Variants in STAC observed in about 807,000 individuals in gnomAD.
STAC encodes the protein SH3 and cysteine-rich domain-containing protein.
Under a neutral mutation model 48.8 loss-of-function variants are expected in STAC, and 43 were observed. The ratio of observed to expected loss-of-function variants is 0.88; its 90% confidence interval spans 0.69 to 1.14. The LOEUF (loss-of-function observed/expected upper bound fraction) is 1.14, where lower values mean the gene tolerates loss of function less well. Ranked by LOEUF, STAC falls within the 50% of genes most tolerant of loss-of-function variation. The pLI is 0.00. For missense variants in STAC, 497 were observed against 504.0 expected, an observed-to-expected ratio of 0.99 and a Z score of 0.13; for synonymous variants, 193 against 179.5, an observed-to-expected ratio of 1.07 and a Z score of -0.60.
Position 36,546,450 on chromosome 3 carries a change from A to G in STAC, c.*161A>G, listed in dbSNP as rs373679227. The G allele has an allele frequency of 5.3e-4, 335 of 634,126 alleles. 1 individual carries two copies. The African/African-American group carries it at 5.4e-3, about 10-fold the overall frequency. 39.3% of individuals were successfully genotyped at this position (634,126 alleles called of 1,614,324 possible). On this transcript the variant is annotated 3_prime_UTR_variant, in exon 11 of 11. Coordinates refer to ENST00000273183, the MANE Select transcript of STAC (RefSeq NM_003149.3). ...TGAGACTGTGGAGTAATAGCCACAA[A>G]ACAGAGGGCCCACTGCACAGCATAT...
intron 2 of STAC, among the ~76,000 whole-genome samples, chr3:36,477,565 C>A (rs531663594): frequency 6.6e-6 from 1 of 152,068 alleles, no homozygotes; most frequent in Non-Finnish European, 1.5e-5. Context: ...TTTCTTCCAA[C>A]ATTTATGTAC....
chr3:36,543,629 T>C (rs896498909), intron 10 of STAC, among the ~76,000 whole-genome samples: 3 of 152,236 alleles, frequency 2.0e-5, no homozygotes, highest in Admixed American at 1.3e-4. Flanking sequence ...GTCTATCTTA[T>C]ATATAGGCAC....
At chr3:36,428,486 T>C (rs1700617798) in intron 1 of STAC, among the ~76,000 whole-genome samples, 1 of 152,204 alleles carries the variant, frequency 6.6e-6, no homozygotes, top group African/African-American at 2.4e-5. Context: ...TTATTGCCAA[T>C]TTTCAATATG....
chr3:36,414,726 T>C (rs1429901170), intron 1 of STAC, among the ~76,000 whole-genome samples: 3 of 152,216 alleles, frequency 2.0e-5, no homozygotes, highest in Admixed American at 6.5e-5. Context: ...CTGCGTTCCT[T>C]TGGAGGAGGA....
chr3:36,410,960 T>C (rs1700181615), intron 1 of STAC, among the ~76,000 whole-genome samples: 2 of 152,342 alleles, frequency 1.3e-5, no homozygotes, highest in South Asian at 4.1e-4. Flanking sequence ...TGTCTAATAG[T>C]CAACACAAAG....
Position 36,415,101 on chromosome 3 carries a change from G to A in STAC, c.112-28263G>A, listed in dbSNP as rs114664334. On this transcript the variant is annotated intron_variant, in intron 1 of 10. Coordinates refer to ENST00000273183, the MANE Select transcript of STAC (RefSeq NM_003149.3). ...CCTACTGGGGAGTGCCTCCCAGATA[G>A]GCTACTCGGTGATCAGGGACCCACT... Among the ~76,000 whole-genome samples the A allele has an allele frequency of 4.0e-3, 602 of 152,292 alleles. 4 individuals carry two copies. Among genetic ancestry groups the A allele is most frequent in the African/African-American group, 0.013 (555 of 41,562 alleles).
chr3:36,526,010 A>G (rs930707433), intron 8 of STAC, among the ~76,000 whole-genome samples: 2 of 152,234 alleles, frequency 1.3e-5, no homozygotes, highest in East Asian at 1.9e-4. Flanking sequence ...CATCTATAAC[A>G]GTACTAGAAA....
intron 1 of STAC, among the ~76,000 whole-genome samples, chr3:36,427,977 C>CA (rs144598513): frequency 0.023 from 3,528 of 152,004 alleles, 61 homozygotes; most frequent in East Asian, 0.026. Flanking sequence ...AAAAATGTCA[C>CA]AAAAAACAAT....
intron 5 of STAC, 124 bp from the exon 6 acceptor site, chr3:36,493,027 C>G: frequency 1.2e-6 from 1 of 830,016 alleles, no homozygotes; most frequent in Non-Finnish European, 1.9e-6. Flanking sequence ...ACAGCCAAGA[C>G]AGCAATCACT....
intron 8 of STAC, among the ~76,000 whole-genome samples, chr3:36,527,680 A>G (rs1362245249): frequency 6.6e-6 from 1 of 152,240 alleles, no homozygotes; most frequent in African/African-American, 2.4e-5. Flanking sequence ...GATGGGAGAA[A>G]AACATGAAAG....
intron 2 of STAC, among the ~76,000 whole-genome samples, chr3:36,468,750 A>ATG (rs142552025): frequency 0.038 from 5,463 of 145,488 alleles, 129 homozygotes; most frequent in Middle Eastern, 0.075. Flanking sequence ...AAATACATAT[A>ATG]TGTGTGTGTG....
Position 36,493,552 on chromosome 3 carries a change from C to T in STAC, c.766+323C>T, listed in dbSNP as rs145444316. Among the ~76,000 whole-genome samples, 1,038 of 149,436 alleles carry T rather than the reference C, an allele frequency of 6.9e-3. 13 individuals carry two copies. Among genetic ancestry groups the T allele is most frequent in the Non-Finnish European group, 0.012 (827 of 67,596 alleles). On this transcript the variant is annotated intron_variant, in intron 6 of 10. Transcript: ENST00000273183. ...TCGCTTCCAGAACTTTTTGTGAATACGTCATTTTCTCCACTGAGCTAGATT... is the reference window on the plus strand; with the variant it reads ...TCGCTTCCAGAACTTTTTGTGAATATGTCATTTTCTCCACTGAGCTAGATT...
chr3:36,540,927 C>A (rs1699308831), intron 10 of STAC, among the ~76,000 whole-genome samples: 1 of 152,080 alleles, frequency 6.6e-6, no homozygotes, highest in Admixed American at 6.6e-5. Flanking sequence ...TCTCAAGTTA[C>A]AAAAATCAAA....
rs1459330109 is a variant in STAC, at chr3:36,454,460, C to G, written c.388+10820C>G. Reference sequence around the variant, plus strand: ...CATCAGAAGGAACAAACTCCGGACACGCCACCATTAAGAACTGTAACACTC... The same window carrying G: ...CATCAGAAGGAACAAACTCCGGACAGGCCACCATTAAGAACTGTAACACTC... On this transcript the variant is annotated intron_variant, in intron 2 of 10. Transcript: ENST00000273183. 2.0e-5 allele frequency among the ~76,000 whole-genome samples: 3 copies of G among 152,220 alleles called. No homozygotes were observed. The East Asian group carries it at 5.8e-4, about 29-fold the overall frequency.
rs977808671 is a variant in STAC, at chr3:36,454,848, C to T, written c.388+11208C>T. ...AGGGAGGGGGGAATATTTTTTAAGT[C>T]AGCCAAAGGAAAGAGGCTGTCTCTC... On this transcript the variant is annotated intron_variant, in intron 2 of 10. Coordinates refer to ENST00000273183, the MANE Select transcript of STAC (RefSeq NM_003149.3). 2.6e-5 allele frequency among the ~76,000 whole-genome samples: 4 copies of T among 152,104 alleles called. 1 individual carries two copies. The highest frequency in any genetic ancestry group is 5.9e-5 in the Non-Finnish European group (4 of 68,022).
intron 1 of STAC, among the ~76,000 whole-genome samples, chr3:36,403,730 G>C (rs558714380): frequency 4.6e-5 from 7 of 152,036 alleles, no homozygotes; most frequent in Admixed American, 3.3e-4. Context: ...TAAGAAACAG[G>C]TGACCTTATC....
In STAC at chr3:36,547,938, T is replaced by C. The variant is rs1004942339; in HGVS notation, c.*1649T>C. On this transcript the variant is annotated 3_prime_UTR_variant, in exon 11 of 11. Transcript: ENST00000273183. ...TGTAAAATTGGATGCCTAGTACAAA[T>C]GCTCTTTGCCTCTAATTCAGTATTC... 1.3e-5 allele frequency: 2 copies of C among 152,214 alleles called. No homozygotes were observed. The highest frequency in any genetic ancestry group is 4.8e-5 in the African/African-American group (2 of 41,462). The allele number at this position is 152,214 out of a possible 1,614,324, so 9.4% of individuals were successfully genotyped here.
intron 2 of STAC, among the ~76,000 whole-genome samples, chr3:36,472,058 T>G (rs1697354154): frequency 6.6e-6 from 1 of 152,226 alleles, no homozygotes; most frequent in Admixed American, 6.5e-5. Context: ...CAGCAAACTT[T>G]TGCCTGCACA....
chr3:36,532,536 C>A (rs1269438648), intron 10 of STAC, among the ~76,000 whole-genome samples: 1 of 152,186 alleles, frequency 6.6e-6, no homozygotes, highest in South Asian at 2.1e-4. Context: ...ATTTGCCAAC[C>A]TATCACTTGC....
Sources: gnomAD v4.1 joint callset for allele counts (sites outside exome capture counted in the v4.1 genomes callset) on GRCh38, gnomAD v4.1.1 for gene constraint, MANE v1.5 for transcripts, NCBI Gene and HGNC (gene_info 2026-07-23, HGNC 2026-07-21) for gene names.